The following CALN1 variants were observed in gnomAD, a reference collection of about 807,000 sequenced individuals.
The protein encoded by CALN1 is calcium-binding protein 8.
A neutral mutation model predicts 30.6 loss-of-function variants in CALN1; 17 were observed. The ratio of observed to expected loss-of-function variants is 0.56; its 90% CI spans 0.38 to 0.83. The LOEUF is 0.83. Among genes scored for constraint, CALN1 ranks in the 40% least tolerant of loss-of-function variants. The pLI, the probability that CALN1 is intolerant of heterozygous loss-of-function variation, is 0.00. For missense variants in CALN1, 291 were observed against 354.9 expected (o/e 0.82, Z 1.45); for synonymous variants, 156 against 131.4 (o/e 1.19, Z -1.28).
rs536423893 is a variant in CALN1 at position 71,997,703 on chromosome 7, G to C, written c.501+25954C>G. Among the ~76,000 whole-genome samples, 260 of 152,156 alleles carry C rather than the reference G, an allele frequency of 1.7e-3. 3 individuals are homozygous for C. Among genetic ancestry groups the C allele is most frequent in the African/African-American group, 6.0e-3 (251 of 41,508 alleles). On this transcript the variant is annotated intron_variant, in intron 5 of 6. Transcript: ENST00000395275. ...AGAAAGAAATGATGCATTACTTATA[G>C]GCAAAAAAAATTCAAATGACAATAA...
At chr7:71,824,288 C>G (rs1247743306) in intron 5 of CALN1, among the ~76,000 whole-genome samples, 2 of 152,098 alleles carry the variant, frequency 1.3e-5, no homozygotes, top group Admixed American at 1.3e-4. Flanking sequence ...CCTGTTTCCC[C>G]TTCCTCAATC....
intron 5 of CALN1, among the ~76,000 whole-genome samples, chr7:71,830,416 C>T (rs549112864): frequency 2.0e-5 from 3 of 151,190 alleles, no homozygotes; most frequent in Non-Finnish European, 4.4e-5. Context: ...GGTGCGATCT[C>T]GGCTCACTGC....
intron 4 of CALN1, among the ~76,000 whole-genome samples, chr7:72,098,926 G>A (rs748927166): frequency 7.2e-5 from 11 of 152,158 alleles, no homozygotes; most frequent in South Asian, 6.2e-4. Flanking sequence ...AAATCCAGGC[G>A]AGATCCCTAA....
chr7:72,494,845 G>A, the CALN1 span, among the ~76,000 whole-genome samples: 3 of 151,850 alleles, frequency 2.0e-5, no homozygotes, highest in African/African-American at 7.3e-5. Context: ...CCAGCCTGGG[G>A]GACAGAGAAA....
At chr7:72,491,109 T>C in the CALN1 span, among the ~76,000 whole-genome samples, 1 of 151,668 alleles carries the variant, frequency 6.6e-6, no homozygotes, top group Non-Finnish European at 1.5e-5. Flanking sequence ...CCAGGCGTGG[T>C]GGCAGGCGCC....
intron 5 of CALN1, among the ~76,000 whole-genome samples, chr7:71,954,677 G>C (rs921134868): frequency 1.3e-5 from 2 of 152,110 alleles, no homozygotes; most frequent in African/African-American, 4.8e-5. Context: ...GATACGGATT[G>C]AGAATTGACT....
chr7:72,363,893 C>T (rs1457819842), intron 2 of CALN1, among the ~76,000 whole-genome samples: 1 of 150,800 alleles, frequency 6.6e-6, no homozygotes, highest in Non-Finnish European at 1.5e-5. Flanking sequence ...CACCACCATG[C>T]CCAGCTAATT....
chr7:72,324,107 G>C (rs1801097111), intron 2 of CALN1, among the ~76,000 whole-genome samples: 1 of 152,018 alleles, frequency 6.6e-6, no homozygotes, highest in African/African-American at 2.4e-5. Flanking sequence ...TGGTGTCCGA[G>C]TGCCCTGGTT....
chr7:72,233,864 C>G (rs1373865231), intron 3 of CALN1, among the ~76,000 whole-genome samples: 1 of 151,916 alleles, frequency 6.6e-6, no homozygotes, highest in Non-Finnish European at 1.5e-5. Flanking sequence ...ATCAGCCAGG[C>G]ACAGTGGTGC....
chr7:72,102,737 T>C (rs1806767756), intron 4 of CALN1, among the ~76,000 whole-genome samples: 1 of 152,068 alleles, frequency 6.6e-6, no homozygotes, highest in Non-Finnish European at 1.5e-5. Flanking sequence ...AGTGCTTGTG[T>C]AGGGCTTGGG....
chr7:71,902,838 T>C (rs1308021338), intron 5 of CALN1, among the ~76,000 whole-genome samples: 1 of 152,054 alleles, frequency 6.6e-6, no homozygotes, highest in Non-Finnish European at 1.5e-5. Context: ...GACAGCCATA[T>C]GGGTGGAACT....
chr7:72,279,512 C>A (rs958458806), intron 2 of CALN1, among the ~76,000 whole-genome samples: 2 of 152,236 alleles, frequency 1.3e-5, no homozygotes, highest in Non-Finnish European at 2.9e-5. Flanking sequence ...AGCACTCTCA[C>A]ACAAAGTTAA....
intron 5 of CALN1, among the ~76,000 whole-genome samples, chr7:71,846,093 C>T (rs796435622): frequency 5.9e-5 from 9 of 152,178 alleles, no homozygotes; most frequent in African/African-American, 2.2e-4. Flanking sequence ...TGGATGTCAT[C>T]GTCTTCTGCC....
At chr7:72,192,549 A>G (rs1380527903) in intron 3 of CALN1, among the ~76,000 whole-genome samples, 2 of 152,078 alleles carry the variant, frequency 1.3e-5, no homozygotes, top group Non-Finnish European at 2.9e-5. Flanking sequence ...GAATGCAAAG[A>G]ACAGCCTGGA....
intron 2 of CALN1, among the ~76,000 whole-genome samples, chr7:72,352,186 A>AC (rs57163083): frequency 1.3e-5 from 2 of 150,968 alleles, no homozygotes; most frequent in Non-Finnish European, 2.9e-5. Context: ...AAACAAACAA[A>AC]AAAAACCACT....
At chr7:72,401,662 C>G (rs559175697) in intron 2 of CALN1, among the ~76,000 whole-genome samples, 12 of 152,262 alleles carry the variant, frequency 7.9e-5, no homozygotes, top group African/African-American at 2.6e-4. Flanking sequence ...GCCTAATTCA[C>G]GCTGCTCGCA....
chr7:72,307,925 C>T (rs1799760207), intron 2 of CALN1, among the ~76,000 whole-genome samples: 1 of 152,118 alleles, frequency 6.6e-6, no homozygotes, highest in South Asian at 2.1e-4. Flanking sequence ...ACAACCTAAC[C>T]CAAGAGGGTG....
chr7:72,244,887 T>C (rs1795062378), intron 3 of CALN1, among the ~76,000 whole-genome samples: 1 of 152,094 alleles, frequency 6.6e-6, no homozygotes, highest in Non-Finnish European at 1.5e-5. Flanking sequence ...TCCAATTTCC[T>C]AAATTGTACC....
intron 5 of CALN1, among the ~76,000 whole-genome samples, chr7:72,012,637 G>A (rs530394400): frequency 6.6e-6 from 1 of 152,210 alleles, no homozygotes; most frequent in Non-Finnish European, 1.5e-5. Context: ...GGTATGTGGA[G>A]AGCAGCATCT....
Sources: gnomAD v4.1 joint callset for allele counts (sites outside exome capture counted in the v4.1 genomes callset) on GRCh38, gnomAD v4.1.1 for gene constraint, MANE v1.5 for transcripts, NCBI Gene and HGNC (gene_info 2026-07-23, HGNC 2026-07-21) for gene names.